Variants in HTR4 observed in about 807,000 individuals in gnomAD.
The protein encoded by HTR4 is 5-hydroxytryptamine receptor 4, also known as 5-hydroxytryptamine (serotonin) receptor 4, G protein-coupled.
A neutral mutation model predicts 36.8 loss-of-function variants in HTR4; 16 were observed. The ratio of observed to expected loss-of-function variants is 0.43; its 90% confidence interval spans 0.29 to 0.66. The LOEUF is 0.66. HTR4 is among the 30% of genes least tolerant of loss of function. HTR4 has a pLI of 0.13. For synonymous variants in HTR4, 189 were observed against 185.1 expected, an observed-to-expected ratio of 1.02 and a Z score of -0.17; for missense variants, 438 against 490.9, an observed-to-expected ratio of 0.89 and a Z score of 1.02.
chr5:148,593,964 C>A (rs1263134725), intron 2 of HTR4, among the ~76,000 whole-genome samples: 1 of 152,118 alleles, frequency 6.6e-6, no homozygotes, highest in African/African-American at 2.4e-5. Flanking sequence ...AGCTTCTCAG[C>A]ATGAATTATT....
At chr5:148,582,952 C>A (rs1761198890) in intron 2 of HTR4, among the ~76,000 whole-genome samples, 1 of 151,688 alleles carries the variant, frequency 6.6e-6, no homozygotes, top group Non-Finnish European at 1.5e-5. Context: ...ATTGCCCTGG[C>A]CAGAACTTCC....
intron 2 of HTR4, among the ~76,000 whole-genome samples, chr5:148,563,477 A>C (rs1334965644): frequency 6.6e-6 from 1 of 152,212 alleles, no homozygotes; most frequent in Non-Finnish European, 1.5e-5. Context: ...TGAATGTAAA[A>C]TCACTGAAAG....
At chr5:148,574,070 T>G (rs922420665) in intron 2 of HTR4, among the ~76,000 whole-genome samples, 4 of 152,070 alleles carry the variant, frequency 2.6e-5, no homozygotes, top group African/African-American at 9.7e-5. Context: ...TATAGTCCCA[T>G]CATTGCTCCT....
At chr5:148,620,882 G>C (rs1303689970) in intron 2 of HTR4, among the ~76,000 whole-genome samples, 1 of 152,040 alleles carries the variant, frequency 6.6e-6, no homozygotes, top group Non-Finnish European at 1.5e-5. Context: ...TAACCAAAAG[G>C]AAACCACATT....
At chr5:148,604,512 C>T (rs1369935867) in intron 2 of HTR4, among the ~76,000 whole-genome samples, 2 of 152,148 alleles carry the variant, frequency 1.3e-5, no homozygotes, top group Non-Finnish European at 2.9e-5. Flanking sequence ...ACTCAATGTA[C>T]AGTAGAAATG....
At chr5:148,493,679 G>GA (rs957028238) in intron 6 of HTR4, among the ~76,000 whole-genome samples, 33 of 150,134 alleles carry the variant, frequency 2.2e-4, no homozygotes, top group Non-Finnish European at 3.6e-4. Flanking sequence ...GGGAGTGAAT[G>GA]AAAAAAAAAG....
intron 2 of HTR4, among the ~76,000 whole-genome samples, chr5:148,570,061 C>T (rs947328108): frequency 6.6e-6 from 1 of 152,192 alleles, no homozygotes; most frequent in South Asian, 2.1e-4. Context: ...ACTGCTCTTG[C>T]CAAATAGGTC....
intron 2 of HTR4, among the ~76,000 whole-genome samples, chr5:148,576,124 A>ACAAAC (rs1554097001): frequency 1.4e-5 from 2 of 147,506 alleles, no homozygotes; most frequent in African/African-American, 5.1e-5. Flanking sequence ...AAAAAAAAAA[A>ACAAAC]AAAAAAAAAC....
In HTR4 at chr5:148,654,365, C is replaced by G. The variant is rs959384524; in HGVS notation, c.-351G>C. On this transcript the variant is annotated 5_prime_UTR_variant, in exon 1 of 7. Coordinates refer to ENST00000377888, the MANE Select transcript of HTR4 (RefSeq NM_000870.7). ...AACAGCCCCCAGCCCCGGTGGTCCCCGCTGCCCTGCCCGCTGCCGCCCCCA... is the reference window on the plus strand; with the variant it reads ...AACAGCCCCCAGCCCCGGTGGTCCCGGCTGCCCTGCCCGCTGCCGCCCCCA... The G allele has an allele frequency of 1.5e-4, 146 of 985,418 alleles. No homozygotes were observed. Among genetic ancestry groups the G allele is most frequent in the South Asian group, 1.1e-3 (23 of 21,284 alleles). The allele number at this position is 985,418 out of a possible 1,614,324, so 61.0% of individuals were successfully genotyped here.
At chr5:148,626,345 A>G (rs1054159928) in intron 2 of HTR4, among the ~76,000 whole-genome samples, 6 of 152,250 alleles carry the variant, frequency 3.9e-5, no homozygotes, top group African/African-American at 1.4e-4. Context: ...GTACTAAATT[A>G]GTTGAAACTC....
intron 5 of HTR4, among the ~76,000 whole-genome samples, chr5:148,516,442 C>G (rs1757759748): frequency 1.3e-5 from 2 of 150,696 alleles, no homozygotes; most frequent in Non-Finnish European, 2.9e-5. Context: ...GCCTCGGTCT[C>G]CTGAGTAGCT....
At chr5:148,489,315 G>T (rs1053741018) in intron 6 of HTR4, among the ~76,000 whole-genome samples, 2 of 152,166 alleles carry the variant, frequency 1.3e-5, no homozygotes, top group African/African-American at 2.4e-5. Context: ...AGTATCTAGA[G>T]AGTGGTGGGG....
chr5:148,474,866 T>C (rs1289206513), downstream of HTR4, among the ~76,000 whole-genome samples: 1 of 151,990 alleles, frequency 6.6e-6, no homozygotes, highest in African/African-American at 2.4e-5. Context: ...GGCAACACGG[T>C]GAAACCCCAT....
intron 2 of HTR4, among the ~76,000 whole-genome samples, chr5:148,556,213 A>G (rs1488799415): frequency 1.3e-5 from 2 of 152,048 alleles, no homozygotes; most frequent in South Asian, 2.1e-4. Flanking sequence ...TAGTAGGGAC[A>G]GGGTTTCGCC....
intron 2 of HTR4, among the ~76,000 whole-genome samples, chr5:148,617,846 C>T (rs980689563): frequency 1.2e-4 from 18 of 152,170 alleles, no homozygotes; most frequent in Non-Finnish European, 2.4e-4. Context: ...GAAACTTCAA[C>T]TCAAAGGGAC....
At chr5:148,537,709 C>A (rs1758894186) in intron 4 of HTR4, among the ~76,000 whole-genome samples, 2 of 152,110 alleles carry the variant, frequency 1.3e-5, no homozygotes, top group South Asian at 4.2e-4. Flanking sequence ...CCTGAACAGA[C>A]CAATGATTAG....
rs879664921 is a variant in HTR4, at chr5:148,548,835, A to G, written c.186T>C (p.Leu62=). 1 of 1,614,114 alleles carries G rather than the reference A, an allele frequency of 6.2e-7. No homozygotes were observed. The highest frequency in any genetic ancestry group is 2.2e-5 in the East Asian group (1 of 44,854). The stretch of plus-strand genomic sequence containing the variant: ...CCGAAACCAGCAGATCCGCAAAAGC[A>G]AGAGATACAATGAAATAATTTGTTT... ...KIKTNYFIVS[L]AFADLLVSVL... The change falls in exon 4 of 7, where the codon CTT becomes CTC. Residue 62 remains leucine, a synonymous_variant. Coordinates refer to ENST00000377888, the MANE Select transcript of HTR4 (RefSeq NM_000870.7).
chr5:148,479,725 A>C (rs1011700412), downstream of HTR4, among the ~76,000 whole-genome samples: 4 of 152,140 alleles, frequency 2.6e-5, no homozygotes, highest in Non-Finnish European at 5.9e-5. Context: ...TAAACCAAAA[A>C]CACAACCATC....
intron 5 of HTR4, chr5:148,466,028 T>C: frequency 1.9e-6 from 3 of 1,542,322 alleles, no homozygotes; most frequent in Non-Finnish European, 2.6e-6. Flanking sequence ...ACACATGATC[T>C]CAGCCTAAAT....
Sources: allele counts gnomAD v4.1 joint callset (sites outside exome capture counted in the v4.1 genomes callset), GRCh38; gene constraint gnomAD v4.1.1; transcripts MANE v1.5; gene names NCBI Gene and HGNC (gene_info 2026-07-23, HGNC 2026-07-21).